MYBPC3: variants seen among roughly 807,000 people sequenced by gnomAD.
MYBPC3 encodes the protein myosin binding protein C3.
In MYBPC3, 108 loss-of-function variants were observed where a neutral mutation model predicts 159.3. The observed-to-expected ratio is 0.68, with a 90% CI of 0.58 to 0.80. The LOEUF is 0.80. Ranked by LOEUF, MYBPC3 falls within the 30% of genes least tolerant of loss-of-function variation. The pLI is 0.00. For synonymous variants in MYBPC3, 730 were observed against 702.0 expected (o/e 1.04, Z -0.63); for missense variants, 1,631 against 1,762.1 (o/e 0.93, Z 1.33).
intron 5 of MYBPC3, 31 bp from the exon 6 acceptor site, chr11:47,348,572 G>A (rs1176044737): frequency 1.3e-6 from 2 of 1,553,594 alleles, no homozygotes; most frequent in South Asian, 1.1e-5. Flanking sequence ...GGCGTCAGGG[G>A]ACACCAGGGG....
rs2095886623 is a variant in MYBPC3 at position 47,339,849 on chromosome 11, T to C, written c.1928-59A>G. On this transcript the variant is annotated intron_variant, in intron 20 of 34. Transcript: ENST00000545968. Reference sequence around the variant, plus strand: ...GAGAGCCAGGAGGAGCACAGGTCACTGGGGCGGGGCTGCTCAAGAGCCTGG... The same window carrying C: ...GAGAGCCAGGAGGAGCACAGGTCACCGGGGCGGGGCTGCTCAAGAGCCTGG... The C allele has an allele frequency of 5.7e-6, 9 of 1,584,784 alleles. No individual in the cohort carries two copies. The Admixed American group carries it at 1.4e-4, about 24-fold the overall frequency.
chr11:47,335,117 C>G lies in MYBPC3; in HGVS notation c.2830G>C (p.Val944Leu). 1 of 1,612,462 alleles carries G rather than the reference C, an allele frequency of 6.2e-7. No individual in the cohort carries two copies. The highest frequency in any genetic ancestry group is 8.5e-7 in the Non-Finnish European group (1 of 1,179,162). The change falls in exon 27 of 35, where the codon GTG (valine) becomes CTG (leucine). Residue 944 changes from valine to leucine, a missense_variant. Coordinates refer to ENST00000545968, the MANE Select transcript of MYBPC3 (RefSeq NM_000256.3). ...LPTGARLLFR[V>L]RAHNMAGPGA... ...GGCCCTGCCATATTGTGTGCCCGCA[C>G]TCGGAAAAGCAGCCGGGCCCCCGTG...
At position 47,352,621 on chromosome 11, in the gene MYBPC3, A is replaced by C; in HGVS notation, c.25+2T>G. ...TAGACCCAACCCCAGTCCTAAAGCT[A>C]CCTGGCTTCTTCCCCGGCTCAGGCA... On this transcript the variant is annotated splice_donor_variant, in intron 1 of 34. Coordinates refer to ENST00000545968, the MANE Select transcript of MYBPC3 (RefSeq NM_000256.3). LOFTEE classifies it high-confidence loss of function. The C allele has an allele frequency of 6.3e-7, 1 of 1,598,494 alleles. No individual in the cohort carries two copies. The highest frequency in any genetic ancestry group is 8.5e-7 in the Non-Finnish European group (1 of 1,172,912).
Position 47,341,187 on chromosome 11 carries a change from AAAGCTG to A in MYBPC3, c.1842_1847del (p.Ser615_Phe616del). On this transcript the variant is annotated inframe_deletion, in exon 19 of 35. Transcript: ENST00000545968. ...GGTTGCAGGCGAAGCCCTCGGGCAC[AAAGCTG>A]TAGTCAGCCTCGTCGGCAGGTGTGA... The A allele has an allele frequency of 1.2e-6, 2 of 1,602,310 alleles. No individual in the cohort carries two copies. The highest frequency in any genetic ancestry group is 1.7e-5 in the Admixed American group (1 of 58,432).
Position 47,337,425 on chromosome 11 carries a change from C to T in MYBPC3, c.2568G>A (p.Arg856=), listed in dbSNP as rs773032022. The T allele has an allele frequency of 6.2e-7, 1 of 1,607,428 alleles. No individual in the cohort carries two copies. Among genetic ancestry groups the T allele is most frequent in the East Asian group, 2.2e-5 (1 of 44,804 alleles). ...VYAVNAIGMS[R]PSPASQPFMP... is the part of the protein sequence containing the mutation. ...TGAAGGGCTGGGAGGCAGGGCTGGG[C>T]CTGGACATGCCGATGGCGTTGACCG... The change falls in exon 25 of 35, where the codon AGG becomes AGA. Residue 856 remains arginine (R), a synonymous_variant. Coordinates refer to ENST00000545968, the MANE Select transcript of MYBPC3 (RefSeq NM_000256.3).
chr11:47,340,935 G>C (rs779960331), intron 20 of MYBPC3, 68 bp downstream of exon 20: 209 of 1,446,106 alleles, frequency 1.4e-4, no homozygotes, highest in Non-Finnish European at 1.8e-4. Context: ...TGTGAGTGGA[G>C]GGGAGGCCTG....
chr11:47,347,593 C>A, intron 8 of MYBPC3, 58 bp downstream of exon 8: 1 of 1,560,636 alleles, frequency 6.4e-7, no homozygotes, highest in Non-Finnish European at 8.7e-7. Context: ...GGGCTCCCAC[C>A]CGTCTCAGAC....
Position 47,342,103 on chromosome 11 carries a change from C to A in MYBPC3, c.1678G>T (p.Asp560Tyr). The change falls in exon 18 of 35, where the codon GAC (aspartate) becomes TAC (tyrosine). Residue 560 changes from aspartate to tyrosine, a missense_variant. Asp to Tyr is a radical substitution (Grantham distance 160). Coordinates refer to ENST00000545968, the MANE Select transcript of MYBPC3 (RefSeq NM_000256.3). ...ACCTCACATTTGAACACCGCCTGGT[C>A]CTTTGCGCCCACCATCAGGTCTGCG... Reference protein sequence around the residue: ...SIADLMVGAKDQAVFKCEVSD... With the variant: ...SIADLMVGAKYQAVFKCEVSD... 1 of 1,614,016 alleles carries A rather than the reference C, an allele frequency of 6.2e-7. No homozygotes were observed. The highest frequency in any genetic ancestry group is 8.5e-7 in the Non-Finnish European group (1 of 1,179,886).
rs1386769544 is a variant in MYBPC3, at chr11:47,332,599, AGCAGTGTAGCCC to A, written c.3582_3593del (p.Gly1195_Ala1198del). ...TACCCCGGACAGCACAGCAGAGCAT[AGCAGTGTAGCCC>A]GCGATGACCGAGCGGTTCACCAGGG... On this transcript the variant is annotated inframe_deletion, in exon 32 of 35. Transcript: ENST00000545968. The surrounding 1 kb of genome is among the most constrained non-coding windows in gnomAD (Gnocchi z 4.2). 6.2e-7 allele frequency: 1 copy of A among 1,613,906 alleles called. No homozygotes were observed. The highest frequency in any genetic ancestry group is 8.5e-7 in the Non-Finnish European group (1 of 1,179,874).
Position 47,333,984 on chromosome 11 carries a change from G to C in MYBPC3, c.2932C>G (p.His978Asp). ...LQRPRLQLPR[H>D]LRQTIQKKVG... ...TTCTTCTGAATGGTCTGGCGCAGGT[G>C]CCTGGGCAGCTGAAGCCGTGGCCGT... Residue 978 changes from histidine to aspartate, a missense_variant, in exon 28 of 35, where the codon CAC (histidine) becomes GAC (aspartate). His to Asp is a moderately conservative substitution (Grantham distance 81). Transcript: ENST00000545968. The C allele has an allele frequency of 6.3e-7, 1 of 1,583,982 alleles. No homozygotes were observed. The highest frequency in any genetic ancestry group is 8.6e-7 in the Non-Finnish European group (1 of 1,165,420).
At position 47,331,696 on chromosome 11, in the gene MYBPC3, G is replaced by A. The variant is rs964280282; in HGVS notation, c.*47C>T. ...CAACTTCCCTCCAGGCTCCTGGCAC[G>A]GGGCTGGCATCCGGTTGTACCTGCA... On this transcript the variant is annotated 3_prime_UTR_variant, in exon 35 of 35. Coordinates refer to ENST00000545968, the MANE Select transcript of MYBPC3 (RefSeq NM_000256.3). 15 of 812,354 alleles carry A rather than the reference G, an allele frequency of 1.8e-5. No homozygotes were observed. Among genetic ancestry groups the A allele is most frequent in the South Asian group, 1.3e-4 (7 of 52,866 alleles). The allele number at this position is 812,354 out of a possible 1,614,324, so 50.3% of individuals were successfully genotyped here.
At chr11:47,343,461 C>T in intron 13 of MYBPC3, 31 bp downstream of exon 13, 3 of 1,554,546 alleles carry the variant, frequency 1.9e-6, no homozygotes, top group Non-Finnish European at 1.7e-6. Context: ...CCCACCTCCA[C>T]CCGAGCCCCC....
intron 27 of MYBPC3, among the ~76,000 whole-genome samples, chr11:47,334,710 G>A (rs1365351615): frequency 2.0e-5 from 3 of 152,092 alleles, no homozygotes; most frequent in East Asian, 1.9e-4. Flanking sequence ...CTACAGGCAC[G>A]CGCCACCACA....
intron 12 of MYBPC3, among the ~76,000 whole-genome samples, chr11:47,344,794 T>G (rs896171400): frequency 3.3e-5 from 5 of 152,230 alleles, no homozygotes; most frequent in African/African-American, 9.6e-5. Context: ...AGGAAGGAAC[T>G]CACTCACTTT....
Position 47,346,768 on chromosome 11 carries a change from C to G in MYBPC3, c.909-124G>C. On this transcript the variant is annotated intron_variant, in intron 10 of 34. Transcript: ENST00000545968. This position sits in a 1 kb window ranked among gnomAD's most constrained non-coding sequence, Gnocchi z 5.3. ...CCTCCCTATTTTCCGCACTTGCACT[C>G]CCTGTGTTGTGGGGCACCCATGCTG... 9.1e-7 allele frequency: 1 copy of G among 1,099,052 alleles called. No homozygotes were observed. Among genetic ancestry groups the G allele is most frequent in the South Asian group, 1.6e-5 (1 of 64,042 alleles). 68.1% of individuals were successfully genotyped at this position (1,099,052 alleles called of 1,614,324 possible).
chr11:47,335,742 G>T, intron 26 of MYBPC3, 135 bp downstream of exon 26: 3 of 730,210 alleles, frequency 4.1e-6, no homozygotes, highest in South Asian at 2.8e-5. Context: ...CTGAAAACAG[G>T]ACAGATATTT....
chr11:47,332,989 G>T lies in MYBPC3; in HGVS notation c.3331-16C>A. The T allele has an allele frequency of 6.2e-7, 1 of 1,603,632 alleles. No individual in the cohort carries two copies. The highest frequency in any genetic ancestry group is 8.5e-7 in the Non-Finnish European group (1 of 1,174,914). On this transcript the variant is annotated splice_polypyrimidine_tract_variant and intron_variant, in intron 30 of 34. Coordinates refer to ENST00000545968, the MANE Select transcript of MYBPC3 (RefSeq NM_000256.3). This position sits in a 1 kb window ranked among gnomAD's most constrained non-coding sequence, Gnocchi z 4.2. Reference sequence around the variant, plus strand: ...TGAACCACTCCTGGGGGCAGGGAGGGAGGGGAGGCATCTCTGGGCCAGGCC... The same window carrying T: ...TGAACCACTCCTGGGGGCAGGGAGGTAGGGGAGGCATCTCTGGGCCAGGCC...
At position 47,348,820 on chromosome 11, in the gene MYBPC3, G is replaced by A. The variant is rs370878718; in HGVS notation, c.655-279C>T. Among the ~76,000 whole-genome samples the A allele has an allele frequency of 2.6e-4, 39 of 148,414 alleles. No homozygotes were observed. In the East Asian group the frequency reaches 5.9e-3, roughly 23 times the overall value. On this transcript the variant is annotated intron_variant, in intron 5 of 34. Transcript: ENST00000545968. ...CTCGGGAGGCTGAGGTGGGAGAATC[G>A]CTTGAACCCAGGAGGTGGAGGTTGC...
rs750990030 is a variant in MYBPC3 at position 47,342,558 on chromosome 11, G to GC, written c.1624+19dup. ...GGGTCCAAGCCCTAAAGCCTCATGTGCCCCCCCAGCCAGGCTCACCCTGCA... is the reference window on the plus strand; with the variant it reads ...GGGTCCAAGCCCTAAAGCCTCATGTGCCCCCCCCAGCCAGGCTCACCCTGCA... On this transcript the variant is annotated intron_variant, in intron 17 of 34. Coordinates refer to ENST00000545968, the MANE Select transcript of MYBPC3 (RefSeq NM_000256.3). The GC allele has an allele frequency of 3.8e-5, 59 of 1,552,478 alleles. 1 individual carries two copies. The highest frequency in any genetic ancestry group is 1.8e-4 in the Middle Eastern group (1 of 5,574).
Sources: allele counts gnomAD v4.1 joint callset (sites outside exome capture counted in the v4.1 genomes callset), GRCh38; gene constraint gnomAD v4.1.1; non-coding constraint Gnocchi (gnomAD v3.1); transcripts MANE v1.5; gene names NCBI Gene and HGNC (gene_info 2026-07-23, HGNC 2026-07-21).